Variants in SIK3 observed in about 807,000 individuals in gnomAD.
The protein encoded by SIK3 is serine/threonine-protein kinase SIK3.
SIK3 carries 28 observed loss-of-function variants against 144.2 expected under a neutral mutation model. That is an observed-to-expected ratio of 0.19 (90% CI 0.14 to 0.27). The LOEUF (loss-of-function observed/expected upper bound fraction) is 0.27. Among genes scored for constraint, SIK3 ranks in the 10% least tolerant of loss-of-function variants. SIK3 has a pLI of 1.00. For synonymous variants in SIK3, 686 were observed against 676.3 expected (o/e 1.01, Z -0.22); for missense variants, 1,319 against 1,776.0 (o/e 0.74, Z 4.62).
chr11:116,925,538 C>T (rs533101057), intron 4 of SIK3, among the ~76,000 whole-genome samples: 2 of 152,350 alleles, frequency 1.3e-5, no homozygotes, highest in East Asian at 3.8e-4. Context: ...TGAGACCCAG[C>T]TTGGACTTCT....
rs1944253926 is a variant in SIK3, at chr11:116,876,349, G to A, written c.999C>T (p.Cys333=). The change falls in exon 8 of 25, where the codon TGC becomes TGT. Residue 333 remains cysteine (C), a synonymous_variant. Coordinates refer to ENST00000445177, the MANE Select transcript of SIK3 (RefSeq NM_001366686.3). Reference sequence around the variant, plus strand: ...CCTGTCTTTCTTCCTTTAGTTGTTGGCATTCAGCTATTAACTGTAACATAA... The same window carrying A: ...CCTGTCTTTCTTCCTTTAGTTGTTGACATTCAGCTATTAACTGTAACATAA... ...DPNFDRLIAE[C]QQLKEERQVD... 1.9e-6 allele frequency: 3 copies of A among 1,613,702 alleles called. No individual in the cohort carries two copies. Among genetic ancestry groups the A allele is most frequent in the Non-Finnish European group, 1.7e-6 (2 of 1,179,790 alleles).
At position 117,069,175 on chromosome 11, in the gene SIK3, A is replaced by AT. The variant is rs762417651; in HGVS notation, c.273+28967dup. Among the ~76,000 whole-genome samples the AT allele has an allele frequency of 3.9e-4, 11 of 28,030 alleles. 2 individuals carry two copies. In the Admixed American group the frequency reaches 4.4e-3, roughly 11 times the overall value. 18.4% of individuals were successfully genotyped at this position (28,030 alleles called of 152,430 possible). A position where few individuals can be genotyped will look rare whatever the true frequency, so the allele number is the denominator to read the frequency against. On this transcript the variant is annotated intron_variant, in intron 1 of 24. Coordinates refer to ENST00000445177, the MANE Select transcript of SIK3 (RefSeq NM_001366686.3). ...TCTGCCAGTTCTGGTAGTTGTTAAG[A>AT]TTTTTTTTTGGGGGGGGGGGGGTTT...
At chr11:116,917,752 G>T (rs1051798763) in intron 4 of SIK3, among the ~76,000 whole-genome samples, 1 of 148,850 alleles carries the variant, frequency 6.7e-6, no homozygotes, top group African/African-American at 2.5e-5. Flanking sequence ...AGAGAGAGAG[G>T]AAAGAGAGCG....
At chr11:116,990,613 TCCAA>T (rs1426697957) in intron 1 of SIK3, among the ~76,000 whole-genome samples, 1 of 152,176 alleles carries the variant, frequency 6.6e-6, no homozygotes, top group Non-Finnish European at 1.5e-5. Context: ...CACAAGTATC[TCCAA>T]CCAGACAGCA....
intron 3 of SIK3, among the ~76,000 whole-genome samples, chr11:116,931,825 C>T (rs900442487): frequency 1.3e-5 from 2 of 152,312 alleles, no homozygotes; most frequent in Admixed American, 6.5e-5. Flanking sequence ...ACTCAGCTCC[C>T]CCTAAGCAGG....
At chr11:116,992,191 G>C (rs1021355682) in intron 1 of SIK3, among the ~76,000 whole-genome samples, 1 of 151,768 alleles carries the variant, frequency 6.6e-6, no homozygotes, top group Non-Finnish European at 1.5e-5. Flanking sequence ...CAGGCGTGGT[G>C]GTGGGCGCCT....
At position 116,846,223 on chromosome 11, in the gene SIK3, C is replaced by T. The variant is rs993857484; in HGVS notation, c.*13+160G>A. Among the ~76,000 whole-genome samples the T allele has an allele frequency of 1.1e-4, 16 of 152,326 alleles. No individual in the cohort carries two copies. Among genetic ancestry groups the T allele is most frequent in the African/African-American group, 1.7e-4 (7 of 41,570 alleles). On this transcript the variant is annotated intron_variant, in intron 24 of 24. Transcript: ENST00000445177. This position sits in a 1 kb window ranked among gnomAD's most constrained non-coding sequence, Gnocchi z 4.1. ...CTACCTCGCGCCCTAAAACTAGCAG[C>T]GTCGTTAATGAAAAGCAAGAAACTG...
chr11:117,042,435 A>G (rs1253072953), intron 1 of SIK3, among the ~76,000 whole-genome samples: 1 of 152,240 alleles, frequency 6.6e-6, no homozygotes, highest in African/African-American at 2.4e-5. Context: ...CTTAAAAGTC[A>G]GTGTCTGCAT....
At chr11:116,911,970 C>T (rs1012026312) in intron 4 of SIK3, among the ~76,000 whole-genome samples, 5 of 152,176 alleles carry the variant, frequency 3.3e-5, no homozygotes, top group Non-Finnish European at 5.9e-5. Context: ...AAGATGGATA[C>T]GCACACCTAC....
chr11:116,955,025 A>C (rs1011799861), intron 2 of SIK3, among the ~76,000 whole-genome samples: 1 of 152,244 alleles, frequency 6.6e-6, no homozygotes, highest in African/African-American at 2.4e-5. Flanking sequence ...AATATATCCA[A>C]AATACTATCA....
In SIK3 at chr11:116,861,302, G is replaced by A. The variant is rs1331821503; in HGVS notation, c.2397C>T (p.Pro799=). ...GAGGCTGGATCATGGCACTGCTCAT[G>A]GGGGGAGGACTATTACTGGGCTGCC... ...LFRQPSNSPP[P]MSSAMIQPHG... is the part of the protein sequence containing the mutation. The change falls in exon 19 of 25, where the codon CCC becomes CCT. Residue 799 remains proline (P), a synonymous_variant. Coordinates refer to ENST00000445177, the MANE Select transcript of SIK3 (RefSeq NM_001366686.3). 2.5e-6 allele frequency: 4 copies of A among 1,594,586 alleles called. No homozygotes were observed. The highest frequency in any genetic ancestry group is 2.3e-5 in the East Asian group (1 of 44,262).
chr11:116,943,430 G>A (rs1214897825), intron 3 of SIK3, among the ~76,000 whole-genome samples: 1 of 152,074 alleles, frequency 6.6e-6, no homozygotes, highest in Non-Finnish European at 1.5e-5. Context: ...TTCCTTTACA[G>A]GCCTCTTGAG....
chr11:116,940,829 C>A (rs991621836), intron 3 of SIK3, among the ~76,000 whole-genome samples: 1 of 149,680 alleles, frequency 6.7e-6, no homozygotes, highest in Admixed American at 6.7e-5. Context: ...AAATGTTAGT[C>A]ATATCTGATA....
chr11:116,879,909 C>T (rs1352300056), intron 6 of SIK3, among the ~76,000 whole-genome samples: 1 of 152,162 alleles, frequency 6.6e-6, no homozygotes, highest in Non-Finnish European at 1.5e-5. Flanking sequence ...ATATGTTTAT[C>T]GTTTGCAGTT....
At chr11:116,978,700 G>A (rs963358634) in intron 1 of SIK3, among the ~76,000 whole-genome samples, 1 of 151,922 alleles carries the variant, frequency 6.6e-6, no homozygotes, top group African/African-American at 2.4e-5. Context: ...TAGGGAAAGG[G>A]TCTTGCTATG....
rs201286237 is a variant in SIK3 at position 116,859,392 on chromosome 11, C to T, written c.2638G>A (p.Gly880Ser). ...CCAGCACTGGGGCTGATGGAGATGC[C>T]GCGCCCACTGGAGCCTGCAGCTGTG... ...PGTAAGSSGR[G>S]ISISPSAGQM... The change falls in exon 20 of 25, where the codon GGC becomes AGC. Residue 880 changes from glycine to serine, a missense_variant. By Grantham distance (56) the Gly-to-Ser change is moderately conservative. Coordinates refer to ENST00000445177, the MANE Select transcript of SIK3 (RefSeq NM_001366686.3). 1.3e-5 allele frequency: 21 copies of T among 1,614,000 alleles called. No homozygotes were observed. The Admixed American group carries it at 1.5e-4, about 12-fold the overall frequency.
intron 21 of SIK3, among the ~76,000 whole-genome samples, chr11:116,852,518 C>A (rs550609599): frequency 6.6e-6 from 1 of 152,160 alleles, no homozygotes; most frequent in Non-Finnish European, 1.5e-5. Context: ...AGCAGGAGCT[C>A]GGGCAAGTTA....
chr11:117,002,681 A>T (rs1565544930), intron 1 of SIK3, among the ~76,000 whole-genome samples: 1 of 152,260 alleles, frequency 6.6e-6, no homozygotes, highest in Non-Finnish European at 1.5e-5. Context: ...TAATAAATAC[A>T]TTTTAACTTA....
At chr11:116,962,047 G>A (rs1043402267) in intron 1 of SIK3, among the ~76,000 whole-genome samples, 1 of 152,094 alleles carries the variant, frequency 6.6e-6, no homozygotes, top group Non-Finnish European at 1.5e-5. Flanking sequence ...TGTTCATAGT[G>A]AATGAAGCTG....
Sources: gnomAD v4.1 joint callset for allele counts (sites outside exome capture counted in the v4.1 genomes callset) on GRCh38, gnomAD v4.1.1 for gene constraint, Gnocchi (gnomAD v3.1) non-coding constraint, MANE v1.5 for transcripts, NCBI Gene and HGNC (gene_info 2026-07-23, HGNC 2026-07-21) for gene names.